MYO3B: variants seen among roughly 807,000 people sequenced by gnomAD.
The protein encoded by MYO3B is myosin-IIIb.
Under a neutral mutation model 174.6 loss-of-function variants are expected in MYO3B, and 156 were observed. The ratio of observed to expected loss-of-function variants is 0.89; its 90% CI spans 0.78 to 1.02. The LOEUF is 1.02. MYO3B is among the 50% of genes least tolerant of loss of function. The probability of loss-of-function intolerance (pLI) is 0.00; values close to 1 mark genes in which losing one functional copy is unlikely to be tolerated. For missense variants in MYO3B, 1,632 were observed against 1,639.4 expected, an observed-to-expected ratio of 1.00 and a Z score of 0.08; for synonymous variants, 563 against 569.1, an observed-to-expected ratio of 0.99 and a Z score of 0.15.
In MYO3B at chr2:170,178,200, C is replaced by T. The variant is rs913238953; in HGVS notation, c.-88C>T. 6.5e-7 allele frequency: 1 copy of T among 1,536,420 alleles called. No individual in the cohort carries two copies. Among genetic ancestry groups the T allele is most frequent in the Non-Finnish European group, 9.0e-7 (1 of 1,109,338 alleles). ...TCATACATTCTAGTCATCAAAGACA[C>T]CATTTTCTGGGCCTGAAGTGTTCTG... On this transcript the variant is annotated 5_prime_UTR_variant, in exon 1 of 35. Transcript: ENST00000408978.
intron 30 of MYO3B, among the ~76,000 whole-genome samples, chr2:170,526,288 C>G (rs1343172245): frequency 6.6e-6 from 1 of 152,152 alleles, no homozygotes. Context: ...GTAATGAATA[C>G]TCAATAAGAG....
chr2:170,278,359 T>C (rs1306386443), intron 7 of MYO3B, among the ~76,000 whole-genome samples: 1 of 152,170 alleles, frequency 6.6e-6, no homozygotes, highest in African/African-American at 2.4e-5. Flanking sequence ...AAAAGAGCTC[T>C]TTAGAATTCT....
At chr2:170,359,750 C>A (rs555097273) in intron 8 of MYO3B, among the ~76,000 whole-genome samples, 1 of 152,192 alleles carries the variant, frequency 6.6e-6, no homozygotes, top group African/African-American at 2.4e-5. Flanking sequence ...GAAACTCTTG[C>A]TCCTAGTTAG....
chr2:170,291,909 G>A (rs4338934), intron 7 of MYO3B, among the ~76,000 whole-genome samples: 2 of 152,040 alleles, frequency 1.3e-5, no homozygotes, highest in African/African-American at 4.8e-5. Flanking sequence ...CTTTGGATTA[G>A]TCTTTTTTGG....
At chr2:170,228,162 T>C (rs1424661) in intron 6 of MYO3B, among the ~76,000 whole-genome samples, 44,925 of 152,084 alleles carry the variant, frequency 0.3, 7,588 homozygotes, top group South Asian at 0.52. Flanking sequence ...ATATGGACTC[T>C]GTTTGGAAGT....
At chr2:170,370,737 A>C (rs2105690023) in intron 9 of MYO3B, among the ~76,000 whole-genome samples, 1 of 151,942 alleles carries the variant, frequency 6.6e-6, no homozygotes. Context: ...CAAAAAACAA[A>C]CCCAACATCT....
At chr2:170,506,917 C>T (rs1200500481) in intron 28 of MYO3B, among the ~76,000 whole-genome samples, 2 of 152,206 alleles carry the variant, frequency 1.3e-5, no homozygotes, top group East Asian at 3.8e-4. Context: ...CAAGCATGCC[C>T]TCTGTCACTC....
chr2:170,237,592 G>A (rs1001431955), intron 7 of MYO3B, among the ~76,000 whole-genome samples: 1 of 152,032 alleles, frequency 6.6e-6, no homozygotes, highest in African/African-American at 2.4e-5. Flanking sequence ...ACTCCACTTA[G>A]CTTGCTTCTG....
chr2:170,471,237 A>G (rs183316947), intron 25 of MYO3B, among the ~76,000 whole-genome samples: 51 of 152,014 alleles, frequency 3.4e-4, no homozygotes, highest in African/African-American at 1.2e-3. Context: ...TTTAATAGAG[A>G]TGGGGTTTCA....
intron 8 of MYO3B, among the ~76,000 whole-genome samples, chr2:170,363,639 A>C (rs961569528): frequency 2.0e-5 from 3 of 152,178 alleles, no homozygotes; most frequent in Admixed American, 6.5e-5. Flanking sequence ...ACACTAATAG[A>C]TTCTGAGAAT....
At chr2:170,626,283 G>T (rs1015458170) in intron 32 of MYO3B, among the ~76,000 whole-genome samples, 2 of 152,188 alleles carry the variant, frequency 1.3e-5, no homozygotes, top group Non-Finnish European at 2.9e-5. Context: ...TCTTCTTGTT[G>T]AATTGATCCC....
intron 25 of MYO3B, among the ~76,000 whole-genome samples, chr2:170,480,280 G>T (rs1428270046): frequency 1.3e-5 from 2 of 152,098 alleles, no homozygotes; most frequent in African/African-American, 4.8e-5. Flanking sequence ...CCTCCCCAGA[G>T]AGGGTCCCAT....
intron 25 of MYO3B, among the ~76,000 whole-genome samples, chr2:170,479,173 A>G (rs892621829): frequency 9.3e-5 from 14 of 150,248 alleles, no homozygotes; most frequent in Admixed American, 8.6e-4. Flanking sequence ...AATCTCAGCT[A>G]CTCGGGAGGC....
intron 7 of MYO3B, among the ~76,000 whole-genome samples, chr2:170,246,673 TGATTTTG>T (rs1461271290): frequency 6.6e-6 from 1 of 152,008 alleles, no homozygotes; most frequent in African/African-American, 2.4e-5. Context: ...ACCAACACCT[TGATTTTG>T]GATTTCTAGC....
chr2:170,404,527 CCTT>C (rs2094498417), intron 20 of MYO3B, 127 bp downstream of exon 20: 1 of 864,732 alleles, frequency 1.2e-6, no homozygotes, highest in African/African-American at 1.7e-5. Context: ...AGAATATAGG[CCTT>C]CTTTTTCATT....
chr2:170,316,921 G>A (rs188955090), intron 7 of MYO3B, among the ~76,000 whole-genome samples: 3 of 152,308 alleles, frequency 2.0e-5, no homozygotes, highest in South Asian at 2.1e-4. Context: ...GGGACCTATA[G>A]AAGCTGGCTG....
At chr2:170,317,137 A>C (rs896560073) in intron 7 of MYO3B, among the ~76,000 whole-genome samples, 2 of 152,228 alleles carry the variant, frequency 1.3e-5, no homozygotes, top group Non-Finnish European at 2.9e-5. Flanking sequence ...AAAAGATCTG[A>C]TAGACCATGG....
At position 170,369,387 on chromosome 2, in the gene MYO3B, T is replaced by A. The variant is rs1313443594; in HGVS notation, c.971+10T>A. 4.4e-6 allele frequency: 7 copies of A among 1,604,156 alleles called. No individual in the cohort carries two copies. Among genetic ancestry groups the A allele is most frequent in the Non-Finnish European group, 6.0e-6 (7 of 1,173,958 alleles). ...CTGTTGCTAAAACCAGGTACTGTACTCTCTTTCTTCTTTCTCCCTGTGGTT... is the reference window on the plus strand; with the variant it reads ...CTGTTGCTAAAACCAGGTACTGTACACTCTTTCTTCTTTCTCCCTGTGGTT... On this transcript the variant is annotated intron_variant, in intron 9 of 34. Coordinates refer to ENST00000408978, the MANE Select transcript of MYO3B (RefSeq NM_138995.5).
intron 32 of MYO3B, among the ~76,000 whole-genome samples, chr2:170,646,331 T>A (rs113018564): frequency 0.014 from 2,057 of 152,240 alleles, 50 homozygotes; most frequent in African/African-American, 0.047. Context: ...TTTTTTTCTT[T>A]TGGTTTACTT....
Sources: gnomAD v4.1 joint callset for allele counts (sites outside exome capture counted in the v4.1 genomes callset) on GRCh38, gnomAD v4.1.1 for gene constraint, MANE v1.5 for transcripts, NCBI Gene and HGNC (gene_info 2026-07-23, HGNC 2026-07-21) for gene names.